Variants in USP13 observed in about 807,000 individuals in gnomAD.
USP13 encodes ubiquitin specific peptidase 13.
In USP13, 68 loss-of-function variants were observed where a neutral mutation model predicts 107.8. The ratio of observed to expected loss-of-function variants is 0.63; its 90% CI spans 0.52 to 0.77. USP13 has a LOEUF of 0.77. Among genes scored for constraint, USP13 ranks in the 30% least tolerant of loss-of-function variants. The pLI, the probability that USP13 is intolerant of heterozygous loss-of-function variation, is 0.00. For synonymous variants in USP13, 377 were observed against 389.5 expected (o/e 0.97, Z 0.38); for missense variants, 945 against 1,093.3 (o/e 0.86, Z 1.91).
At chr3:179,774,204 A>G (rs970707613) in intron 19 of USP13, among the ~76,000 whole-genome samples, 2 of 152,148 alleles carry the variant, frequency 1.3e-5, no homozygotes, top group Admixed American at 6.5e-5. Context: ...CCTTGAACTA[A>G]TAGAGTGAGA....
intron 1 of USP13, among the ~76,000 whole-genome samples, chr3:179,675,012 A>G (rs1720853085): frequency 6.6e-6 from 1 of 152,106 alleles, no homozygotes; most frequent in East Asian, 1.9e-4. Context: ...TGTCTCTACT[A>G]AAAATACAAA....
intron 5 of USP13, 125 bp from the exon 6 acceptor site, chr3:179,708,648 A>C (rs1250053824): frequency 1.7e-6 from 2 of 1,192,586 alleles, no homozygotes; most frequent in East Asian, 2.4e-5. Flanking sequence ...ATGGGGAAGC[A>C]TCAGTCTCTG....
At chr3:179,685,528 G>C (rs937417284) in intron 2 of USP13, among the ~76,000 whole-genome samples, 3 of 151,620 alleles carry the variant, frequency 2.0e-5, no homozygotes, top group African/African-American at 7.3e-5. Flanking sequence ...ATTTTGACTT[G>C]CTACTGAATG....
intron 1 of USP13, among the ~76,000 whole-genome samples, chr3:179,661,436 G>C (rs1199795113): frequency 1.3e-5 from 2 of 151,430 alleles, no homozygotes; most frequent in Non-Finnish European, 2.9e-5. Flanking sequence ...TACTTGAGCT[G>C]GGAATTTACT....
chr3:179,730,727 T>C lies in USP13; in HGVS notation c.1254+18T>C, dbSNP rs764814161. On this transcript the variant is annotated intron_variant, in intron 10 of 20. Transcript: ENST00000263966. ...AGCACAAGGTATGTGTCCGAGCGTT[T>C]GCCATGTTGACATGTAGGTAGGGAG... 37 of 1,609,782 alleles carry C rather than the reference T, an allele frequency of 2.3e-5. No individual in the cohort carries two copies. Among genetic ancestry groups the C allele is most frequent in the Non-Finnish European group, 1.7e-5 (20 of 1,176,862 alleles).
At chr3:179,694,799 C>CAAAAAAAAAAAA (rs576517737) in intron 3 of USP13, among the ~76,000 whole-genome samples, 6 of 82,162 alleles carry the variant, frequency 7.3e-5, no homozygotes, top group African/African-American at 1.4e-4. Context: ...AACTCCATCT[C>CAAAAAAAAAAAA]AAAAAAAAAA....
rs1431834635 is a variant in USP13 at position 179,678,803 on chromosome 3, A to G, written c.169-3075A>G. Among the ~76,000 whole-genome samples the G allele has an allele frequency of 6.6e-6, 1 of 152,188 alleles. No individual in the cohort carries two copies. On this transcript the variant is annotated intron_variant, in intron 1 of 20. Coordinates refer to ENST00000263966, the MANE Select transcript of USP13 (RefSeq NM_003940.3). The surrounding 1 kb of genome is among the most constrained non-coding windows in gnomAD (Gnocchi z 4.2). Reference sequence around the variant, plus strand: ...GTTTGTTGCTAATGTCTGAAACTGCAGTTGACTCTGGTCTATTAACTTGTA... The same window carrying G: ...GTTTGTTGCTAATGTCTGAAACTGCGGTTGACTCTGGTCTATTAACTTGTA...
In USP13 at chr3:179,758,539, C is replaced by T. The variant is rs545450362; in HGVS notation, c.1948+1461C>T. 1.4e-4 allele frequency among the ~76,000 whole-genome samples: 21 copies of T among 151,858 alleles called. No homozygotes were observed. The South Asian group carries it at 4.0e-3, about 29-fold the overall frequency. ...TTTGAGACGGAGTCTTGCTCTATCA[C>T]CCAGGCTGGAGTGCAGTGGCGCGAT... is the stretch of plus-strand genomic sequence containing the variant. On this transcript the variant is annotated intron_variant, in intron 16 of 20. Coordinates refer to ENST00000263966, the MANE Select transcript of USP13 (RefSeq NM_003940.3).
At position 179,785,917 on chromosome 3, in the gene USP13, A is replaced by G. The variant is rs1159289905; in HGVS notation, c.*1776A>G. Reference sequence around the variant, plus strand: ...TCTCTTTCAATCATGCTTTGAGGATACAGTGAGATTGGTTACAGTGAACCT... The same window carrying G: ...TCTCTTTCAATCATGCTTTGAGGATGCAGTGAGATTGGTTACAGTGAACCT... On this transcript the variant is annotated 3_prime_UTR_variant, in exon 21 of 21. Coordinates refer to ENST00000263966, the MANE Select transcript of USP13 (RefSeq NM_003940.3). 6.6e-6 allele frequency: 1 copy of G among 152,434 alleles called. No homozygotes were observed. Among genetic ancestry groups the G allele is most frequent in the Non-Finnish European group, 1.5e-5 (1 of 68,106 alleles). The allele number at this position is 152,434 out of a possible 1,614,324, so 9.4% of individuals were successfully genotyped here. A position where few individuals can be genotyped will look rare whatever the true frequency, so the allele number is the denominator to read the frequency against.
intron 3 of USP13, among the ~76,000 whole-genome samples, chr3:179,695,118 C>T (rs1712246601): frequency 1.3e-5 from 2 of 152,226 alleles, no homozygotes; most frequent in Admixed American, 6.5e-5. Context: ...GGGATTGTTT[C>T]CTCATGGAGA....
chr3:179,728,098 C>T (rs1411754638), intron 8 of USP13, among the ~76,000 whole-genome samples: 3 of 88,188 alleles, frequency 3.4e-5, no homozygotes, highest in East Asian at 4.3e-4. Flanking sequence ...CCCTCCCGGA[C>T]GGGGCAGCTG....
Position 179,764,182 on chromosome 3 carries a change from AC to A in USP13, c.2259+15del. ...CTACGAGCAACGGTGAGCATGAGAG[AC>A]TGTGTGTGTGTGTGTGTGTGTGTGT... On this transcript the variant is annotated intron_variant, in intron 18 of 20. Transcript: ENST00000263966. 6.5e-7 allele frequency: 1 copy of A among 1,541,386 alleles called. No individual in the cohort carries two copies. The highest frequency in any genetic ancestry group is 8.7e-7 in the Non-Finnish European group (1 of 1,150,272).
In USP13 at chr3:179,706,915, A is replaced by G; in HGVS notation, c.478-19A>G. The G allele has an allele frequency of 6.2e-7, 1 of 1,601,142 alleles. No homozygotes were observed. Among genetic ancestry groups the G allele is most frequent in the African/African-American group, 1.3e-5 (1 of 74,280 alleles). The stretch of plus-strand genomic sequence containing the variant: ...TTCTCAAACTGTTTTTATATATTAC[A>G]TCTGGGTTTGTCTTATAGGTAACAA... On this transcript the variant is annotated intron_variant, in intron 4 of 20. Coordinates refer to ENST00000263966, the MANE Select transcript of USP13 (RefSeq NM_003940.3).
chr3:179,756,902 G>C, intron 15 of USP13, 150 bp from the exon 16 acceptor site: 1 of 703,292 alleles, frequency 1.4e-6, no homozygotes, highest in Non-Finnish European at 2.5e-6. Flanking sequence ...AGGCTGGGGT[G>C]GTCTGCGTGT....
intron 6 of USP13, among the ~76,000 whole-genome samples, chr3:179,714,460 C>G (rs895821513): frequency 4.6e-5 from 7 of 152,182 alleles, no homozygotes; most frequent in Admixed American, 2.6e-4. Flanking sequence ...ATGGTACTTT[C>G]CACAAGACCC....
At chr3:179,666,294 T>A (rs1328352120) in intron 1 of USP13, among the ~76,000 whole-genome samples, 1 of 152,182 alleles carries the variant, frequency 6.6e-6, no homozygotes, top group Admixed American at 6.6e-5. Context: ...AATTCACATA[T>A]TGTATCATTT....
intron 4 of USP13, among the ~76,000 whole-genome samples, chr3:179,702,177 G>A (rs71310390): frequency 0.17 from 26,501 of 152,030 alleles, 2,566 homozygotes; most frequent in Non-Finnish European, 0.2. Context: ...CCGCCATCAC[G>A]CCTAGAGATT....
chr3:179,659,197 T>C (rs1720382567), intron 1 of USP13, among the ~76,000 whole-genome samples: 1 of 152,188 alleles, frequency 6.6e-6, no homozygotes, highest in Admixed American at 6.5e-5. Context: ...GTGGCTGGTT[T>C]AGATATCCAC....
intron 1 of USP13, among the ~76,000 whole-genome samples, chr3:179,673,472 G>A (rs1720805464): frequency 6.6e-6 from 1 of 152,152 alleles, no homozygotes; most frequent in Non-Finnish European, 1.5e-5. Context: ...TGCCTTCAAG[G>A]AGCAAATGTG....
Sources: allele counts gnomAD v4.1 joint callset (sites outside exome capture counted in the v4.1 genomes callset), GRCh38; gene constraint gnomAD v4.1.1; non-coding constraint Gnocchi (gnomAD v3.1); transcripts MANE v1.5; gene names NCBI Gene and HGNC (gene_info 2026-07-23, HGNC 2026-07-21).